The following HNRNPAB variants were observed in gnomAD, a reference collection of about 807,000 sequenced individuals.
HNRNPAB encodes ABBP-1.
In HNRNPAB, 17 loss-of-function variants were observed where a neutral mutation model predicts 44.1. The observed-to-expected ratio is 0.39, with a 90% CI of 0.26 to 0.58. The LOEUF (loss-of-function observed/expected upper bound fraction) is 0.58. HNRNPAB is among the 20% of genes least tolerant of loss of function. HNRNPAB has a pLI of 0.63. For synonymous variants in HNRNPAB, 183 were observed against 167.6 expected (o/e 1.09, Z -0.71); for missense variants, 393 against 432.7 (o/e 0.91, Z 0.81).
At chr5:178,206,482 T>A (rs781353299) in intron 3 of HNRNPAB, among the ~76,000 whole-genome samples, 5 of 152,216 alleles carry the variant, frequency 3.3e-5, no homozygotes, top group Non-Finnish European at 7.3e-5. Flanking sequence ...GAGATGGGCC[T>A]CACGCTGGGA....
chr5:178,209,323 CTT>C lies in HNRNPAB; in HGVS notation c.670-4_670-3del. 9.9e-6 allele frequency: 16 copies of C among 1,613,270 alleles called. No homozygotes were observed. The highest frequency in any genetic ancestry group is 1.3e-5 in the Non-Finnish European group (15 of 1,179,170). ...ACTGGCCTGACCACTGTCCTCTTGA[CTT>C]TTAGTGTGAGATCAAGGTGGCCCAG... On this transcript the variant is annotated splice_polypyrimidine_tract_variant and splice_region_variant and intron_variant, in intron 5 of 7. Transcript: ENST00000358344.
chr5:178,206,374 A>G (rs1757058038), intron 3 of HNRNPAB, among the ~76,000 whole-genome samples: 1 of 152,162 alleles, frequency 6.6e-6, no homozygotes, highest in African/African-American at 2.4e-5. Flanking sequence ...CAGAAATGTA[A>G]GTAGAAGAGG....
chr5:178,207,783 A>G (rs1757149322), intron 5 of HNRNPAB, among the ~76,000 whole-genome samples: 1 of 139,684 alleles, frequency 7.2e-6, no homozygotes, highest in Non-Finnish European at 1.5e-5. Flanking sequence ...GCTCACTGCA[A>G]CCTTGACCTC....
chr5:178,210,351 G>A, intron 7 of HNRNPAB, 79 bp downstream of exon 7: 5 of 1,601,602 alleles, frequency 3.1e-6, no homozygotes. Context: ...GCCACTGGCA[G>A]CAGGGGCTTT....
At chr5:178,209,857 C>T (rs923439520) in intron 6 of HNRNPAB, among the ~76,000 whole-genome samples, 1 of 152,260 alleles carries the variant, frequency 6.6e-6, no homozygotes, top group Middle Eastern at 3.4e-3. Flanking sequence ...AAAGGCTAAG[C>T]TGCCAAGGAG....
intron 2 of HNRNPAB, 91 bp from the exon 3 acceptor site, chr5:178,205,751 A>C: frequency 8.2e-7 from 1 of 1,226,676 alleles, no homozygotes; most frequent in East Asian, 2.4e-5. Context: ...GTAGCTGTAG[A>C]CTTCGTGAGA....
chr5:178,206,815 G>A lies in HNRNPAB; in HGVS notation c.462G>A (p.Lys154=). 6.2e-7 allele frequency: 1 copy of A among 1,614,202 alleles called. No homozygotes were observed. The highest frequency in any genetic ancestry group is 8.5e-7 in the Non-Finnish European group (1 of 1,180,030). The part of the protein sequence containing the change: ...KAMAMKKDPV[K]KIFVGGLNPE... Reference sequence around the variant, plus strand: ...TGGCTATGAAGAAGGACCCGGTGAAGAAAATCTTCGTTGGGGGTCTGAATC... The same window carrying A: ...TGGCTATGAAGAAGGACCCGGTGAAAAAAATCTTCGTTGGGGGTCTGAATC... The change falls in exon 4 of 8, where the codon AAG becomes AAA. Residue 154 remains lysine (K), a synonymous_variant. Coordinates refer to ENST00000358344, the MANE Select transcript of HNRNPAB (RefSeq NM_031266.3).
Position 178,204,855 on chromosome 5 carries a change from G to A in HNRNPAB, c.18G>A (p.Glu6=). 8.2e-7 allele frequency: 1 copy of A among 1,218,986 alleles called. No individual in the cohort carries two copies. Among genetic ancestry groups the A allele is most frequent in the South Asian group, 3.9e-5 (1 of 25,688 alleles). 75.5% of individuals were successfully genotyped at this position (1,218,986 alleles called of 1,614,324 possible). The change falls in exon 2 of 8, where the codon GAG becomes GAA. Residue 6 remains glutamate, a synonymous_variant. Coordinates refer to ENST00000358344, the MANE Select transcript of HNRNPAB (RefSeq NM_031266.3). MSEAG[E]EQPMETTGAT... is the part of the protein sequence containing the mutation. ...GGCCTAGCATGTCGGAAGCGGGCGA[G>A]GAGCAGCCCATGGAGACGACGGGCG...
chr5:178,210,777 T>TAGTCAACAGGA lies in HNRNPAB; in HGVS notation c.*154_*155insAGTCAACAGGA. 1 of 667,124 alleles carries TAGTCAACAGGA rather than the reference T, an allele frequency of 1.5e-6. No homozygotes were observed. Among genetic ancestry groups the TAGTCAACAGGA allele is most frequent in the South Asian group, 1.7e-5 (1 of 58,004 alleles). 41.3% of individuals were successfully genotyped at this position (667,124 alleles called of 1,614,324 possible). On this transcript the variant is annotated 3_prime_UTR_variant, in exon 8 of 8. Transcript: ENST00000358344. ...TCCCCCATGGAAATCACTCTCCTGT[T>TAGTCAACAGGA]GACTATTTCCAGAGCTCTAGGTGTT...
chr5:178,209,567 G>C, intron 6 of HNRNPAB, 120 bp downstream of exon 6: 7 of 813,846 alleles, frequency 8.6e-6, no homozygotes, highest in Non-Finnish European at 1.4e-5. Flanking sequence ...GTGAGGTTGG[G>C]GACGAACAGG....
chr5:178,207,691 C>CTTTTTTTT (rs34424574), intron 5 of HNRNPAB, among the ~76,000 whole-genome samples: 7 of 78,774 alleles, frequency 8.9e-5, no homozygotes, highest in African/African-American at 2.1e-4. Flanking sequence ...ACTTTGAGCA[C>CTTTTTTTT]TTTTTTTTTT....
At chr5:178,208,214 G>A (rs533841844) in intron 5 of HNRNPAB, among the ~76,000 whole-genome samples, 101 of 152,314 alleles carry the variant, frequency 6.6e-4, no homozygotes, top group African/African-American at 2.3e-3. Context: ...GGCAGGTTCT[G>A]TTTCTGAGCA....
chr5:178,209,233 T>C, intron 5 of HNRNPAB, 97 bp from the exon 6 acceptor site: 4 of 969,018 alleles, frequency 4.1e-6, no homozygotes, highest in East Asian at 2.4e-5. Context: ...CAAATGGACC[T>C]GATCCACCAT....
rs939923551 is a variant in HNRNPAB at position 178,211,017 on chromosome 5, T to C, written c.*394T>C. ...TATATTATTTGCGTCATACATTTCC[T>C]GTAACGGAAGTGTTAATTTTACTGT... is the stretch of plus-strand genomic sequence containing the variant. On this transcript the variant is annotated 3_prime_UTR_variant, in exon 8 of 8. Transcript: ENST00000358344. The C allele has an allele frequency of 4.9e-6, 1 of 204,174 alleles. No homozygotes were observed. Among genetic ancestry groups the C allele is most frequent in the Non-Finnish European group, 9.9e-6 (1 of 100,778 alleles). 12.6% of individuals were successfully genotyped at this position (204,174 alleles called of 1,614,324 possible).
chr5:178,207,108 A>G lies in HNRNPAB; in HGVS notation c.552A>G (p.Glu184=). The change falls in exon 5 of 8, where the codon GAA becomes GAG. Residue 184 remains glutamate, a synonymous_variant. Coordinates refer to ENST00000358344, the MANE Select transcript of HNRNPAB (RefSeq NM_031266.3). ...GCTTTTTGCAGATTGAGGCCATTGA[A>G]TTGCCAATGGATCCAAAGTTGAACA... The part of the protein sequence containing the change: ...FGEFGEIEAI[E]LPMDPKLNKR... The G allele has an allele frequency of 6.2e-7, 1 of 1,614,186 alleles. No homozygotes were observed. The highest frequency in any genetic ancestry group is 8.5e-7 in the Non-Finnish European group (1 of 1,180,022).
At chr5:178,207,691 CTTTTTTT>C (rs34424574) in intron 5 of HNRNPAB, among the ~76,000 whole-genome samples, 17 of 78,746 alleles carry the variant, frequency 2.2e-4, no homozygotes, top group Admixed American at 5.2e-4. Flanking sequence ...ACTTTGAGCA[CTTTTTTT>C]TTTTTTTTTT....
At chr5:178,206,610 G>T in intron 3 of HNRNPAB, 122 bp from the exon 4 acceptor site, 1 of 964,264 alleles carries the variant, frequency 1.0e-6, no homozygotes, top group Non-Finnish European at 1.6e-6. Flanking sequence ...GTTAAGCTGG[G>T]GTAGAATTTG....
intron 6 of HNRNPAB, 96 bp downstream of exon 6, chr5:178,209,543 G>T: frequency 9.4e-7 from 1 of 1,064,916 alleles, no homozygotes; most frequent in Non-Finnish European, 1.4e-6. Context: ...GTGCAGCAGG[G>T]GTGGGCAGAT....
rs757817992 is a variant in HNRNPAB, at chr5:178,210,573, G to A, written c.949G>A (p.Gly317Ser). ...CCTAGGTCAGGGTAGTACAAACTACGGCAAGAGCCAGCGACGTGGTGGCCA... is the reference window on the plus strand; with the variant it reads ...CCTAGGTCAGGGTAGTACAAACTACAGCAAGAGCCAGCGACGTGGTGGCCA... ...YDYSQGSTNY[G>S]KSQRRGGHQN... Residue 317 changes from glycine (G) to serine (S), a missense_variant, in exon 8 of 8, where the codon GGC (glycine) becomes AGC (serine). This residue lies in a region of HNRNPAB where 210 missense variants were observed against 196.9 expected (regional missense o/e 1.07). Transcript: ENST00000358344. The A allele has an allele frequency of 9.3e-6, 15 of 1,614,030 alleles. No individual in the cohort carries two copies. The highest frequency in any genetic ancestry group is 2.2e-5 in the East Asian group (1 of 44,898).
Sources: allele counts gnomAD v4.1 joint callset (sites outside exome capture counted in the v4.1 genomes callset), GRCh38; gene constraint gnomAD v4.1.1; regional missense constraint gnomAD v4.1.1; transcripts MANE v1.5; gene names NCBI Gene and HGNC (gene_info 2026-07-23, HGNC 2026-07-21).